FAM204A: variants seen among roughly 807,000 people sequenced by gnomAD.
The protein encoded by FAM204A is protein FAM204A.
A neutral mutation model predicts 35.4 loss-of-function variants in FAM204A; 16 were observed. The observed-to-expected ratio is 0.45, with a 90% CI of 0.31 to 0.69. The LOEUF (loss-of-function observed/expected upper bound fraction) is 0.69, where lower values mean the gene tolerates loss of function less well. FAM204A is among the 30% of genes least tolerant of loss of function. The pLI, the probability that FAM204A is intolerant of heterozygous loss-of-function variation, is 0.07. For missense variants in FAM204A, 240 were observed against 265.7 expected, an observed-to-expected ratio of 0.90 and a Z score of 0.67; for synonymous variants, 76 against 86.9, an observed-to-expected ratio of 0.88 and a Z score of 0.70.
Position 118,300,160 on chromosome 10 carries a change from A to T in FAM204A, c.*10697T>A, listed in dbSNP as rs930080503. The T allele has an allele frequency of 6.6e-6, 1 of 152,184 alleles. No individual in the cohort carries two copies. The highest frequency in any genetic ancestry group is 1.5e-5 in the Non-Finnish European group (1 of 68,054). 9.4% of individuals were successfully genotyped at this position (152,184 alleles called of 1,614,324 possible). A position where few individuals can be genotyped will look rare whatever the true frequency, so the allele number is the denominator to read the frequency against. On this transcript the variant is annotated 3_prime_UTR_variant, in exon 9 of 9. Coordinates refer to ENST00000369183, the MANE Select transcript of FAM204A (RefSeq NM_022063.3). ...AAGGAAAAGTTCAGGTGGTTTCTGA[A>T]CCACGGAAATTGTGTGCAAAATGCA...
rs920507083 is a variant in FAM204A, at chr10:118,313,843, A to T, written c.544-2530T>A. On this transcript the variant is annotated intron_variant, in intron 7 of 8. Transcript: ENST00000369183. Reference sequence around the variant, plus strand: ...AAATTATTTTTTAAAACTGTTGTCAATTAAGACATAACTTATATTTTTCTC... The same window carrying T: ...AAATTATTTTTTAAAACTGTTGTCATTTAAGACATAACTTATATTTTTCTC... Among the ~76,000 whole-genome samples the T allele has an allele frequency of 2.6e-5, 4 of 152,308 alleles. No individual in the cohort carries two copies. In the East Asian group the frequency reaches 7.7e-4, roughly 29 times the overall value.
rs1230204388 is a variant in FAM204A at position 118,299,776 on chromosome 10, A to C, written c.*11081T>G. 6.6e-6 allele frequency: 1 copy of C among 152,204 alleles called. No homozygotes were observed. Among genetic ancestry groups the C allele is most frequent in the Non-Finnish European group, 1.5e-5 (1 of 68,050 alleles). The allele number at this position is 152,204 out of a possible 1,614,324, so 9.4% of individuals were successfully genotyped here. ...TCACAACTAGAGAATGGAAGAGAAG[A>C]GAAATATGGTTACAAAAAGTACAAG... On this transcript the variant is annotated 3_prime_UTR_variant, in exon 9 of 9. Coordinates refer to ENST00000369183, the MANE Select transcript of FAM204A (RefSeq NM_022063.3).
chr10:118,318,653 G>A (rs1846066294), intron 7 of FAM204A, among the ~76,000 whole-genome samples: 1 of 151,920 alleles, frequency 6.6e-6, no homozygotes, highest in Non-Finnish European at 1.5e-5. Context: ...CAGAAACGTG[G>A]CTGTCAAGAC....
intron 7 of FAM204A, among the ~76,000 whole-genome samples, chr10:118,324,140 T>C (rs190148014): frequency 2.7e-4 from 41 of 152,162 alleles, no homozygotes; most frequent in African/African-American, 8.4e-4. Flanking sequence ...AATGCTGTTA[T>C]ACACAATGAA....
At position 118,336,370 on chromosome 10, in the gene FAM204A, C is replaced by G. The variant is rs759902849; in HGVS notation, c.46G>C (p.Glu16Gln). The G allele has an allele frequency of 6.2e-7, 1 of 1,613,804 alleles. No individual in the cohort carries two copies. Among genetic ancestry groups the G allele is most frequent in the Non-Finnish European group, 8.5e-7 (1 of 1,179,806 alleles). ...GTAGCTTCATCTTCCGAGTTTGACTCAGCGTCACTTTCATTTAGGCCAGGA... is the reference window on the plus strand; with the variant it reads ...GTAGCTTCATCTTCCGAGTTTGACTGAGCGTCACTTTCATTTAGGCCAGGA... ...LPPGLNESDA[E>Q]SNSEDEATLE... Residue 16 changes from glutamate (E) to glutamine (Q), a missense_variant, in exon 3 of 9, where the codon GAG becomes CAG. Glu to Gln is a conservative substitution (Grantham distance 29). Around this residue, in one of 2 missense-constraint regions of FAM204A, gnomAD observed 232 missense variants for 242.8 expected, o/e 0.96. Transcript: ENST00000369183.
At chr10:118,317,828 C>T (rs909241912) in intron 7 of FAM204A, among the ~76,000 whole-genome samples, 2 of 151,882 alleles carry the variant, frequency 1.3e-5, no homozygotes, top group Non-Finnish European at 2.9e-5. Flanking sequence ...TTTAAAAGCC[C>T]CCCAGATAAT....
chr10:118,298,811 C>G lies in FAM204A; in HGVS notation c.*12046G>C, dbSNP rs1845776970. 6.6e-6 allele frequency: 1 copy of G among 152,190 alleles called. No homozygotes were observed. The highest frequency in any genetic ancestry group is 1.5e-5 in the Non-Finnish European group (1 of 68,050). The allele number at this position is 152,190 out of a possible 1,614,324, so 9.4% of individuals were successfully genotyped here. A position where few individuals can be genotyped will look rare whatever the true frequency, so the allele number is the denominator to read the frequency against. ...CAAGAGTGATCTAACCTTTGCAAAG[C>G]CTTCACTGATTCGGGAACCTCAAAT... On this transcript the variant is annotated 3_prime_UTR_variant, in exon 9 of 9. Transcript: ENST00000369183.
chr10:118,322,076 T>G lies in FAM204A; in HGVS notation c.543+4078A>C, dbSNP rs1487483815. ...TAGATTTAGTTTGCTGGGTGATGAT[T>G]AAAAGTACAATGAGATCATATTTTA... On this transcript the variant is annotated intron_variant, in intron 7 of 8. Transcript: ENST00000369183. Among the ~76,000 whole-genome samples, 8 of 152,118 alleles carry G rather than the reference T, an allele frequency of 5.3e-5. No individual in the cohort carries two copies. In the East Asian group the frequency reaches 1.5e-3, roughly 29 times the overall value.
chr10:118,335,576 T>C lies in FAM204A; in HGVS notation c.300A>G (p.Lys100=), dbSNP rs746007757. Residue 100 remains lysine, a synonymous_variant, in exon 4 of 9, where the codon AAA becomes AAG. Transcript: ENST00000369183. ...CACCTTTTCTGGAGCGTTTTCTTCT[T>C]TTCCCTCTGAATCTTGAGGTTGTGC... is the stretch of plus-strand genomic sequence containing the variant. ...QKSTTSRFRG[K]RRKRSRKDKL... The C allele has an allele frequency of 1.2e-6, 2 of 1,611,838 alleles. No homozygotes were observed. The highest frequency in any genetic ancestry group is 1.7e-5 in the Admixed American group (1 of 59,638).
intron 7 of FAM204A, 105 bp downstream of exon 7, chr10:118,326,048 TC>T (rs1846192716): frequency 2.5e-6 from 2 of 786,220 alleles, no homozygotes; most frequent in Non-Finnish European, 4.0e-6. Flanking sequence ...AAGGAAAACC[TC>T]AGATGAAATA....
rs569554006 is a variant in FAM204A, at chr10:118,304,648, G to T, written c.*6209C>A. The T allele has an allele frequency of 2.3e-4, 35 of 152,366 alleles. No homozygotes were observed. The highest frequency in any genetic ancestry group is 8.4e-4 in the African/African-American group (35 of 41,556). 9.4% of individuals were successfully genotyped at this position (152,366 alleles called of 1,614,324 possible). ...CGCTTCTACTCGCCTACCTGGTAAA[G>T]TCCCAACAGCCCTTTATGGCATAAT... is the stretch of plus-strand genomic sequence containing the variant. On this transcript the variant is annotated 3_prime_UTR_variant, in exon 9 of 9. Transcript: ENST00000369183.
At chr10:118,338,976 TC>T (rs1846430030) in intron 2 of FAM204A, among the ~76,000 whole-genome samples, 2 of 152,186 alleles carry the variant, frequency 1.3e-5, no homozygotes, top group South Asian at 4.1e-4. Context: ...TTAAAAACTG[TC>T]CTCAGTGTGG....
intron 6 of FAM204A, among the ~76,000 whole-genome samples, chr10:118,332,554 A>C (rs1846310326): frequency 6.7e-6 from 1 of 148,260 alleles, no homozygotes; most frequent in South Asian, 2.1e-4. Context: ...CCACATCCCT[A>C]TGCCCCTCCC....
In FAM204A at chr10:118,300,295, T is replaced by C. The variant is rs977580357; in HGVS notation, c.*10562A>G. 1 of 152,106 alleles carries C rather than the reference T, an allele frequency of 6.6e-6. No homozygotes were observed. Among genetic ancestry groups the C allele is most frequent in the Non-Finnish European group, 1.5e-5 (1 of 68,024 alleles). The allele number at this position is 152,106 out of a possible 1,614,324, so 9.4% of individuals were successfully genotyped here. The stretch of plus-strand genomic sequence containing the variant: ...AGGAAATGAGGAGCTTTGGGAAAAC[T>C]TGGCTTTCAAAAAAATATACTGAGG... On this transcript the variant is annotated 3_prime_UTR_variant, in exon 9 of 9. Transcript: ENST00000369183.
chr10:118,326,447 T>C (rs1202435652), intron 6 of FAM204A: 1 of 513,054 alleles, frequency 1.9e-6, no homozygotes, highest in Non-Finnish European at 3.4e-6. Context: ...TGTAACTTCT[T>C]GAACTAATAA....
intron 2 of FAM204A, among the ~76,000 whole-genome samples, chr10:118,338,740 T>C (rs190468266): frequency 6.6e-6 from 1 of 152,328 alleles, no homozygotes; most frequent in East Asian, 1.9e-4. Context: ...CAATGGGCAG[T>C]GGCACAGGTC....
Position 118,326,136 on chromosome 10 carries a change from G to A in FAM204A, c.543+18C>T, listed in dbSNP as rs1182741037. ...GAAAATTTGAAAATACAGAAAATGT[G>A]TAACCCTTTTGACTCACCTCTCGAG... On this transcript the variant is annotated intron_variant, in intron 7 of 8. Transcript: ENST00000369183. 6.3e-7 allele frequency: 1 copy of A among 1,591,632 alleles called. No homozygotes were observed. The highest frequency in any genetic ancestry group is 8.6e-7 in the Non-Finnish European group (1 of 1,166,464).
intron 7 of FAM204A, 199 bp from the exon 8 acceptor site, chr10:118,311,512 A>G: frequency 2.0e-6 from 1 of 493,974 alleles, no homozygotes; most frequent in Non-Finnish European, 3.5e-6. Flanking sequence ...TAGACCCTTT[A>G]CCCTAGTTAT....
chr10:118,335,896 TTAAA>T (rs1413608144), intron 3 of FAM204A: 10 of 538,968 alleles, frequency 1.9e-5, no homozygotes, highest in Admixed American at 1.8e-4. Flanking sequence ...AAATAAAAGG[TTAAA>T]TAAAGACAGA....
Sources: gnomAD v4.1 joint callset for allele counts (sites outside exome capture counted in the v4.1 genomes callset) on GRCh38, gnomAD v4.1.1 for gene constraint, gnomAD v4.1.1 regional missense constraint, MANE v1.5 for transcripts, NCBI Gene and HGNC (gene_info 2026-07-23, HGNC 2026-07-21) for gene names.